PRMT7: variants seen among roughly 807,000 people sequenced by gnomAD.
The protein encoded by PRMT7 is protein arginine N-methyltransferase 7.
Under a neutral mutation model 85.4 loss-of-function variants are expected in PRMT7, and 75 were observed. That is an observed-to-expected ratio of 0.88 (90% CI 0.73 to 1.06). The LOEUF is 1.06. PRMT7 is among the 50% of genes least tolerant of loss of function. The pLI is 0.00. For missense variants in PRMT7, 868 were observed against 915.2 expected (o/e 0.95, Z 0.67); for synonymous variants, 397 against 359.5 (o/e 1.10, Z -1.18).
chr16:68,326,404 C>T (rs946147977), intron 5 of PRMT7, among the ~76,000 whole-genome samples: 1 of 152,150 alleles, frequency 6.6e-6, no homozygotes, highest in Non-Finnish European at 1.5e-5. Flanking sequence ...TACCACTGCA[C>T]CTGGCTAATT....
intron 2 of PRMT7, 118 bp from the exon 3 acceptor site, chr16:68,315,779 T>G: frequency 1.7e-6 from 1 of 580,564 alleles, no homozygotes; most frequent in Admixed American, 3.1e-5. Flanking sequence ...GTTTCTTGAT[T>G]TTTTTCCCCG....
intron 9 of PRMT7, among the ~76,000 whole-genome samples, chr16:68,340,211 C>A (rs549284207): frequency 6.6e-6 from 1 of 152,250 alleles, no homozygotes; most frequent in African/African-American, 2.4e-5. Context: ...TTTCCTCTCC[C>A]GCCTCATCAT....
intron 14 of PRMT7, 120 bp downstream of exon 14, chr16:68,348,551 T>G (rs1302704333): frequency 1.6e-6 from 1 of 617,746 alleles, no homozygotes; most frequent in Non-Finnish European, 2.7e-6. Flanking sequence ...ACATGCAACC[T>G]TACCTCCTAC....
At chr16:68,324,641 C>T (rs751052244) in intron 4 of PRMT7, 42 bp from the exon 5 acceptor site, 20 of 1,609,544 alleles carry the variant, frequency 1.2e-5, no homozygotes, top group Non-Finnish European at 1.6e-5. Flanking sequence ...TTTCCACTTA[C>T]TTATAATAAC....
At position 68,348,443 on chromosome 16, in the gene PRMT7, G is replaced by C. The variant is rs201762613; in HGVS notation, c.1413+12G>C. Reference sequence around the variant, plus strand: ...TACAGGGCAGAAAGGTGAGTAGCGGGAGCCTTTTGGCCACGCTGGGCTGTG... The same window carrying C: ...TACAGGGCAGAAAGGTGAGTAGCGGCAGCCTTTTGGCCACGCTGGGCTGTG... On this transcript the variant is annotated intron_variant, in intron 14 of 18. Coordinates refer to ENST00000441236, the MANE Select transcript of PRMT7 (RefSeq NM_019023.5). The C allele has an allele frequency of 1.3e-6, 2 of 1,598,586 alleles. No individual in the cohort carries two copies. Among genetic ancestry groups the C allele is most frequent in the Admixed American group, 3.3e-5 (2 of 59,944 alleles).
At chr16:68,336,336 TCTC>T (rs2084687367) in intron 6 of PRMT7, among the ~76,000 whole-genome samples, 1 of 152,202 alleles carries the variant, frequency 6.6e-6, no homozygotes, top group Non-Finnish European at 1.5e-5. Context: ...ATCCTACTCT[TCTC>T]TAAAATCCTA....
At chr16:68,326,509 G>A (rs1348451136) in intron 5 of PRMT7, among the ~76,000 whole-genome samples, 1 of 152,200 alleles carries the variant, frequency 6.6e-6, no homozygotes, top group Non-Finnish European at 1.5e-5. Flanking sequence ...GCCTCCCAAA[G>A]TGTTGGGATT....
chr16:68,353,065 A>G (rs1465785438), intron 15 of PRMT7, among the ~76,000 whole-genome samples: 1 of 152,158 alleles, frequency 6.6e-6, no homozygotes, highest in African/African-American at 2.4e-5. Flanking sequence ...GCGTGTGACC[A>G]GGAGGAAGGG....
chr16:68,330,727 T>C (rs2083752708), intron 6 of PRMT7, among the ~76,000 whole-genome samples: 1 of 152,044 alleles, frequency 6.6e-6, no homozygotes, highest in Non-Finnish European at 1.5e-5. Flanking sequence ...CATGAGTAGC[T>C]GGGATTACAG....
In PRMT7 at chr16:68,319,916, G is replaced by A. The variant is rs116747877; in HGVS notation, c.96-1510G>A. Among the ~76,000 whole-genome samples the A allele has an allele frequency of 4.9e-3, 748 of 152,266 alleles. 8 individuals are homozygous for A. Among genetic ancestry groups the A allele is most frequent in the African/African-American group, 0.017 (690 of 41,532 alleles). ...GACCCCGCCTGAGGGTTTTCAGTGT[G>A]TGAATTACTGCAGTAGGAAATATGG... On this transcript the variant is annotated intron_variant, in intron 3 of 18. Transcript: ENST00000441236.
At chr16:68,347,433 G>T in intron 12 of PRMT7, 139 bp downstream of exon 12, 1 of 1,065,170 alleles carries the variant, frequency 9.4e-7, no homozygotes, top group South Asian at 1.6e-5. Flanking sequence ...GTCAGGGGCT[G>T]GGGGGTTTAT....
At chr16:68,350,694 C>T (rs2151884810) in intron 14 of PRMT7, among the ~76,000 whole-genome samples, 1 of 152,314 alleles carries the variant, frequency 6.6e-6, no homozygotes, top group East Asian at 1.9e-4. Flanking sequence ...GTTTAAGAAC[C>T]CTTTCATTAC....
intron 6 of PRMT7, among the ~76,000 whole-genome samples, chr16:68,331,019 A>G (rs1047529593): frequency 2.6e-5 from 4 of 152,236 alleles, no homozygotes; most frequent in African/African-American, 7.2e-5. Flanking sequence ...GACAAATATA[A>G]ACACACTTGT....
intron 3 of PRMT7, 144 bp downstream of exon 3, chr16:68,316,218 C>T (rs182659004): frequency 2.0e-4 from 134 of 687,064 alleles, no homozygotes; most frequent in Admixed American, 4.0e-4. Flanking sequence ...CAGGTCTGCT[C>T]AGCCAGGTAG....
At position 68,324,716 on chromosome 16, in the gene PRMT7, G is replaced by A. The variant is rs201398485; in HGVS notation, c.166G>A (p.Val56Met). Residue 56 changes from valine to methionine, a missense_variant, in exon 5 of 19, where the codon GTG becomes ATG. Transcript: ENST00000441236. ...ATACTACCAAGGTATCCGGGCTGCC[G>A]TGAGCAGGGTGAAGGACAGAGGACA... The part of the protein sequence containing the change: ...VKYYQGIRAA[V>M]SRVKDRGQKA... 19 of 1,614,132 alleles carry A rather than the reference G, an allele frequency of 1.2e-5. No homozygotes were observed. The highest frequency in any genetic ancestry group is 6.7e-5 in the East Asian group (3 of 44,898).
At chr16:68,335,647 C>T (rs1433746824) in intron 6 of PRMT7, among the ~76,000 whole-genome samples, 3 of 151,854 alleles carry the variant, frequency 2.0e-5, no homozygotes, top group Non-Finnish European at 4.4e-5. Context: ...CCCATTCACC[C>T]GTTTTACTGA....
intron 5 of PRMT7, among the ~76,000 whole-genome samples, chr16:68,328,844 AT>A (rs1268038021): frequency 2.0e-5 from 3 of 152,122 alleles, no homozygotes; most frequent in Non-Finnish European, 2.9e-5. Context: ...CCTCCTCAGG[AT>A]CCCCGGCATC....
chr16:68,354,711 T>G (rs1479520268), intron 16 of PRMT7: 1 of 152,878 alleles, frequency 6.5e-6, no homozygotes, highest in Non-Finnish European at 1.5e-5. Context: ...ACCCTGGCTG[T>G]CCCTGTCCCC....
At chr16:68,313,043 T>C (rs1214170776) in intron 2 of PRMT7, among the ~76,000 whole-genome samples, 1 of 152,190 alleles carries the variant, frequency 6.6e-6, no homozygotes, top group Non-Finnish European at 1.5e-5. Context: ...CAGGCTGGTC[T>C]CGAACTCCTG....
Sources: gnomAD v4.1 joint callset for allele counts (sites outside exome capture counted in the v4.1 genomes callset) on GRCh38, gnomAD v4.1.1 for gene constraint, MANE v1.5 for transcripts, NCBI Gene and HGNC (gene_info 2026-07-23, HGNC 2026-07-21) for gene names.